The following TASOR variants were observed in gnomAD, a reference collection of about 807,000 sequenced individuals.
TASOR encodes the protein transcription activation suppressor, also known as protein TASOR.
TASOR carries 53 observed loss-of-function variants against 178.6 expected under a neutral mutation model. The observed-to-expected ratio is 0.30, with a 90% CI of 0.24 to 0.37. The LOEUF is 0.37. Among genes scored for constraint, TASOR ranks in the 10% least tolerant of loss-of-function variants. The pLI, the probability that TASOR is intolerant of heterozygous loss-of-function variation, is 1.00. For missense variants in TASOR, 1,815 were observed against 1,971.4 expected (o/e 0.92, Z 1.50); for synonymous variants, 713 against 696.2 (o/e 1.02, Z -0.38).
At chr3:56,657,212 C>T (rs2107602657) in intron 11 of TASOR, among the ~76,000 whole-genome samples, 1 of 151,496 alleles carries the variant, frequency 6.6e-6, no homozygotes, top group East Asian at 1.9e-4. Context: ...CCTGTAATCC[C>T]AGCTACTCCG....
chr3:56,660,489 C>CAA (rs35016053), intron 11 of TASOR, among the ~76,000 whole-genome samples: 14,877 of 65,748 alleles, frequency 0.23, 1,411 homozygotes, highest in East Asian at 0.41. Flanking sequence ...GACTCCGTCT[C>CAA]AAAAAAAAAA....
chr3:56,644,660 T>C (rs2077198067), intron 14 of TASOR, among the ~76,000 whole-genome samples: 1 of 151,534 alleles, frequency 6.6e-6, no homozygotes. Context: ...AAAGCAATAC[T>C]GAGAAGAACA....
intron 18 of TASOR, among the ~76,000 whole-genome samples, chr3:56,631,581 T>TTGG (rs2076913887): frequency 8.5e-6 from 1 of 117,118 alleles, no homozygotes; most frequent in Non-Finnish European, 1.7e-5. Flanking sequence ...TCTGTGTTTT[T>TTGG]TTGTTTTTTT....
chr3:56,679,112 C>G (rs2031577271), intron 1 of TASOR, among the ~76,000 whole-genome samples: 1 of 151,856 alleles, frequency 6.6e-6, no homozygotes, highest in Non-Finnish European at 1.5e-5. Flanking sequence ...AAATAATTAG[C>G]AAGAAGAGGC....
At chr3:56,676,158 G>A (rs2031278160) in intron 1 of TASOR, among the ~76,000 whole-genome samples, 1 of 143,214 alleles carries the variant, frequency 7.0e-6, no homozygotes, top group African/African-American at 2.7e-5. Flanking sequence ...GCAGGAACCT[G>A]CCTTGCTCAT....
At chr3:56,651,371 C>A (rs1350625881) in intron 11 of TASOR, among the ~76,000 whole-genome samples, 1 of 151,808 alleles carries the variant, frequency 6.6e-6, no homozygotes, top group Non-Finnish European at 1.5e-5. Flanking sequence ...AGCACTCCCC[C>A]ACCCCCACAA....
Position 56,648,747 on chromosome 3 carries a change from G to C in TASOR, c.1513+75C>G, listed in dbSNP as rs886181436. 29 of 1,045,490 alleles carry C rather than the reference G, an allele frequency of 2.8e-5. No homozygotes were observed. The African/African-American group carries it at 4.5e-4, about 16-fold the overall frequency. 64.8% of individuals were successfully genotyped at this position (1,045,490 alleles called of 1,614,324 possible). Reference sequence around the variant, plus strand: ...TGAGGTAAGAAAGACAAAATGTTTAGTGAGTTATCTGGAAAATTTCAATGA... The same window carrying C: ...TGAGGTAAGAAAGACAAAATGTTTACTGAGTTATCTGGAAAATTTCAATGA... On this transcript the variant is annotated intron_variant, in intron 13 of 23. Transcript: ENST00000683822.
intron 11 of TASOR, among the ~76,000 whole-genome samples, chr3:56,651,435 C>T (rs2077349947): frequency 1.3e-5 from 2 of 152,096 alleles, no homozygotes; most frequent in South Asian, 4.2e-4. Context: ...TGGCTCATGC[C>T]TGTAATCTCA....
intron 1 of TASOR, among the ~76,000 whole-genome samples, chr3:56,680,516 C>A (rs1395666306): frequency 6.6e-6 from 1 of 152,056 alleles, no homozygotes; most frequent in Non-Finnish European, 1.5e-5. Context: ...AGCACAGTCA[C>A]AAGAAAAGGT....
rs775435389 is a variant in TASOR, at chr3:56,623,082, A to G, written c.4968T>C (p.Ser1656=). ...LDRDKSPPPL[S]WGKSDSSRPY... ...GCCTGGAAGAATCACTTTTCCCCCA[A>G]CTTAAGGGAGGTGGAGATTTATCTC... Residue 1656 remains serine, a synonymous_variant, in exon 24 of 24, where the codon AGT becomes AGC. Transcript: ENST00000683822. 3 of 1,605,416 alleles carry G rather than the reference A, an allele frequency of 1.9e-6. No individual in the cohort carries two copies. The highest frequency in any genetic ancestry group is 1.7e-5 in the Admixed American group (1 of 58,818).
intron 18 of TASOR, among the ~76,000 whole-genome samples, chr3:56,632,627 C>T (rs1235850062): frequency 6.6e-6 from 1 of 152,098 alleles, no homozygotes; most frequent in African/African-American, 2.4e-5. Flanking sequence ...TTATTCCACC[C>T]TGAGTTAAAT....
Position 56,640,112 on chromosome 3 carries a change from C to T in TASOR, c.2638G>A (p.Val880Met), listed in dbSNP as rs140081263. Residue 880 changes from valine to methionine, a missense_variant, in exon 16 of 24, where the codon GTG becomes ATG. This residue lies in a region of TASOR where 655 missense variants were observed against 671.1 expected (regional missense o/e 0.98). Coordinates refer to ENST00000683822, the MANE Select transcript of TASOR (RefSeq NM_001365635.2). ...HLKEDPNLIS[V>M]NNFEDCSLCP... ...AAACTGCAATCTTCAAAATTATTCA[C>T]GCTAATTAAATTTGGATCCTAAAAA... 223 of 1,612,598 alleles carry T rather than the reference C, an allele frequency of 1.4e-4. 1 individual carries two copies. In the African/African-American group the frequency reaches 2.3e-3, roughly 17 times the overall value.
At chr3:56,651,700 C>CA (rs35330541) in intron 11 of TASOR, among the ~76,000 whole-genome samples, 26,889 of 122,276 alleles carry the variant, frequency 0.22, 3,241 homozygotes, top group South Asian at 0.45. Context: ...AGTCCTGTCT[C>CA]AAAAAAAAAA....
Position 56,675,842 on chromosome 3 carries a change from TAA to T in TASOR, c.332-2119_332-2118del, listed in dbSNP as rs989273954. Among the ~76,000 whole-genome samples, 7 of 152,338 alleles carry T rather than the reference TAA, an allele frequency of 4.6e-5. 1 individual carries two copies. The highest frequency in any genetic ancestry group is 1.3e-4 in the Admixed American group (2 of 15,304). On this transcript the variant is annotated intron_variant, in intron 1 of 23. Transcript: ENST00000683822. ...TTTTTTATACATGATTATTAGACTT[TAA>T]AAGACATGTCAAATGACAGAGCCAT...
chr3:56,633,065 ACTCT>A lies in TASOR; in HGVS notation c.3722_3725del (p.Glu1241ValfsTer7). The stretch of plus-strand genomic sequence containing the variant: ...TTACCTTTATTTCTTTACAGAGCAC[ACTCT>A]CTTCTTCTTCATGAATATAAAATTT... On this transcript the variant is annotated frameshift_variant, in exon 18 of 24. Transcript: ENST00000683822. LOFTEE classifies it high-confidence loss of function. 1 of 1,596,170 alleles carries A rather than the reference ACTCT, an allele frequency of 6.3e-7. No homozygotes were observed. Among genetic ancestry groups the A allele is most frequent in the Non-Finnish European group, 8.5e-7 (1 of 1,173,858 alleles).
chr3:56,652,868 T>C (rs1457954072), intron 11 of TASOR, among the ~76,000 whole-genome samples: 3 of 152,076 alleles, frequency 2.0e-5, no homozygotes, highest in Admixed American at 6.6e-5. Flanking sequence ...AACTAGAAGA[T>C]AGTTATGATG....
chr3:56,678,220 T>C (rs1003059382), intron 1 of TASOR, among the ~76,000 whole-genome samples: 1 of 144,496 alleles, frequency 6.9e-6, no homozygotes, highest in Non-Finnish European at 1.5e-5. Flanking sequence ...TCTGCACTGT[T>C]GCCCGGGCTG....
rs938504965 is a variant in TASOR at position 56,633,667 on chromosome 3, A to T, written c.3124T>A (p.Ser1042Thr). The change falls in exon 18 of 24, where the codon TCA becomes ACA. Residue 1042 changes from serine to threonine, a missense_variant. Ser to Thr is a moderately conservative substitution (Grantham distance 58, BLOSUM62 1). Around this residue, in one of 5 missense-constraint regions of TASOR, gnomAD observed 655 missense variants for 671.1 expected, o/e 0.98. Coordinates refer to ENST00000683822, the MANE Select transcript of TASOR (RefSeq NM_001365635.2). Reference protein sequence around the residue: ...IEEILKQKNVSYVSTVSTPIF... With the variant: ...IEEILKQKNVTYVSTVSTPIF... ...GGTGTGGAAACTGTACTGACATATGAAACATTCTTTTGCTTCAAAATCTCT... is the reference window on the plus strand; with the variant it reads ...GGTGTGGAAACTGTACTGACATATGTAACATTCTTTTGCTTCAAAATCTCT... 2.5e-6 allele frequency: 4 copies of T among 1,614,036 alleles called. No homozygotes were observed. The highest frequency in any genetic ancestry group is 3.3e-5 in the Admixed American group (2 of 60,004).
rs374310042 is a variant in TASOR at position 56,660,782 on chromosome 3, T to C, written c.1317A>G (p.Arg439=). ...GTAAACTCTCCATGTTACTTCCAAT[T>C]CTTGTCTTTTCCACAACTTCATAAA... The part of the protein sequence containing the change: ...CSLYEVVEKT[R]IGSNMESLLQ... Residue 439 remains arginine, a synonymous_variant, in exon 11 of 24, where the codon AGA becomes AGG. Coordinates refer to ENST00000683822, the MANE Select transcript of TASOR (RefSeq NM_001365635.2). 1.1e-4 allele frequency: 179 copies of C among 1,613,818 alleles called. No homozygotes were observed. In the South Asian group the frequency reaches 1.9e-3, roughly 17 times the overall value.
Sources: allele counts gnomAD v4.1 joint callset (sites outside exome capture counted in the v4.1 genomes callset), GRCh38; gene constraint gnomAD v4.1.1; regional missense constraint gnomAD v4.1.1; transcripts MANE v1.5; gene names NCBI Gene and HGNC (gene_info 2026-07-23, HGNC 2026-07-21).